Variants in MAP3K9 observed in about 807,000 individuals in gnomAD.
MAP3K9 encodes the protein mixed lineage kinase 1 (tyr and ser/thr specificity).
In MAP3K9, 46 loss-of-function variants were observed where a neutral mutation model predicts 95.8. The ratio of observed to expected loss-of-function variants is 0.48; its 90% CI spans 0.38 to 0.61. The LOEUF is 0.61. MAP3K9 is among the 20% of genes least tolerant of loss of function. MAP3K9 has a pLI of 0.00. For synonymous variants in MAP3K9, 533 were observed against 593.8 expected, an observed-to-expected ratio of 0.90 and a Z score of 1.49; for missense variants, 1,296 against 1,474.3, an observed-to-expected ratio of 0.88 and a Z score of 1.98.
chr14:70,780,244 G>T (rs2054656263), intron 2 of MAP3K9, among the ~76,000 whole-genome samples: 1 of 152,226 alleles, frequency 6.6e-6, no homozygotes, highest in African/African-American at 2.4e-5. Context: ...ACAGCATGAG[G>T]TGTGGATTTC....
intron 3 of MAP3K9, among the ~76,000 whole-genome samples, chr14:70,759,350 G>A (rs111807983): frequency 6.4e-4 from 98 of 152,280 alleles, no homozygotes; most frequent in African/African-American, 1.7e-3. Flanking sequence ...GCTGAGGCAG[G>A]AGAATCACTT....
intron 3 of MAP3K9, among the ~76,000 whole-genome samples, chr14:70,760,729 T>A (rs1054505584): frequency 6.6e-6 from 1 of 152,092 alleles, no homozygotes; most frequent in Non-Finnish European, 1.5e-5. Flanking sequence ...TGGGAGTACA[T>A]GTTGCCCCTG....
chr14:70,736,050 C>G (rs771626023), intron 8 of MAP3K9, 21 bp from the exon 9 acceptor site: 3 of 1,558,234 alleles, frequency 1.9e-6, no homozygotes, highest in Non-Finnish European at 2.7e-6. Context: ...TAAAGAGAAT[C>G]AGTAGCAGGC....
intron 2 of MAP3K9, among the ~76,000 whole-genome samples, chr14:70,785,812 C>T (rs938190776): frequency 1.3e-5 from 2 of 152,072 alleles, no homozygotes; most frequent in Non-Finnish European, 1.5e-5. Context: ...GGTGGGAAGG[C>T]GTGAGACTTC....
rs1335929999 is a variant in MAP3K9, at chr14:70,729,986, C to A, written c.*394G>T. 1 of 188,140 alleles carries A rather than the reference C, an allele frequency of 5.3e-6. No homozygotes were observed. Among genetic ancestry groups the A allele is most frequent in the East Asian group, 1.4e-4 (1 of 7,290 alleles). The allele number at this position is 188,140 out of a possible 1,614,324, so 11.7% of individuals were successfully genotyped here. On this transcript the variant is annotated 3_prime_UTR_variant, in exon 12 of 12. Transcript: ENST00000554752. ...CAACACTGGTGTTTGGGAAGCTGAA[C>A]TCGGGGCTGACAAAGGGACCCTATG...
chr14:70,765,107 T>G (rs949405606), intron 2 of MAP3K9, among the ~76,000 whole-genome samples: 17 of 152,122 alleles, frequency 1.1e-4, no homozygotes, highest in Admixed American at 7.9e-4. Context: ...GGCAGGAGGA[T>G]CACTTGAAGT....
chr14:70,730,906 AT>A, intron 11 of MAP3K9, 42 bp from the exon 12 acceptor site: 1 of 1,560,118 alleles, frequency 6.4e-7, no homozygotes, highest in Non-Finnish European at 8.6e-7. Context: ...ATGAGGCACC[AT>A]ATTTCGGGGT....
intron 2 of MAP3K9, among the ~76,000 whole-genome samples, chr14:70,796,836 T>G (rs2054870038): frequency 6.6e-6 from 1 of 152,182 alleles, no homozygotes; most frequent in Non-Finnish European, 1.5e-5. Context: ...AATAGGAGCC[T>G]GGGTCCCAGA....
At chr14:70,735,642 A>G (rs534939208) in intron 9 of MAP3K9, among the ~76,000 whole-genome samples, 5 of 152,240 alleles carry the variant, frequency 3.3e-5, no homozygotes, top group Admixed American at 3.3e-4. Context: ...ATCCAGGAAA[A>G]TCCAGATTAG....
At chr14:70,778,423 G>A (rs1158744734) in intron 2 of MAP3K9, among the ~76,000 whole-genome samples, 1 of 151,978 alleles carries the variant, frequency 6.6e-6, no homozygotes, top group African/African-American at 2.4e-5. Flanking sequence ...TTACAGGTAT[G>A]TGCCACCACA....
At chr14:70,783,490 T>C (rs1287386729) in intron 2 of MAP3K9, 7 of 808,030 alleles carry the variant, frequency 8.7e-6, no homozygotes, top group Non-Finnish European at 1.0e-5. Context: ...TTTCCTCCCA[T>C]CACAAAGCTC....
chr14:70,771,535 A>G (rs557082501), intron 2 of MAP3K9, among the ~76,000 whole-genome samples: 2 of 152,240 alleles, frequency 1.3e-5, no homozygotes, highest in African/African-American at 4.8e-5. Context: ...ACACCAAGGC[A>G]GAAAGAAAAA....
intron 7 of MAP3K9, chr14:70,739,799 T>C: frequency 7.8e-7 from 1 of 1,280,796 alleles, no homozygotes; most frequent in South Asian, 1.5e-5. Flanking sequence ...ATCCCATTAG[T>C]ACCCACAAAT....
At chr14:70,793,416 G>C (rs2054828163) in intron 2 of MAP3K9, among the ~76,000 whole-genome samples, 1 of 152,192 alleles carries the variant, frequency 6.6e-6, no homozygotes. Context: ...GCCGGGCCTG[G>C]TGGCTCACGC....
intron 2 of MAP3K9, among the ~76,000 whole-genome samples, chr14:70,784,560 T>C (rs1196507738): frequency 6.6e-6 from 1 of 152,108 alleles, no homozygotes; most frequent in Non-Finnish European, 1.5e-5. Context: ...CTGGCCAATA[T>C]GTTGAAACCC....
chr14:70,767,879 T>C (rs1548585), intron 2 of MAP3K9, among the ~76,000 whole-genome samples: 83,980 of 151,978 alleles, frequency 0.55, 23,304 homozygotes, highest in Middle Eastern at 0.66. Flanking sequence ...TATTGACCGG[T>C]TGGTCTTGAA....
At chr14:70,752,397 T>C (rs561096214) in intron 3 of MAP3K9, among the ~76,000 whole-genome samples, 2 of 152,324 alleles carry the variant, frequency 1.3e-5, no homozygotes, top group South Asian at 4.1e-4. Context: ...TCTGTGGGTA[T>C]GGGAGTGAGC....
intron 2 of MAP3K9, among the ~76,000 whole-genome samples, chr14:70,777,850 C>A (rs1482761491): frequency 1.3e-5 from 2 of 152,206 alleles, no homozygotes; most frequent in African/African-American, 4.8e-5. Context: ...GAATTATAAT[C>A]AGGACAGAAT....
intron 2 of MAP3K9, among the ~76,000 whole-genome samples, chr14:70,797,967 T>C (rs2054883508): frequency 6.6e-6 from 1 of 152,234 alleles, no homozygotes; most frequent in South Asian, 2.1e-4. Context: ...GCAGCAACTG[T>C]ATTGAGAATG....
Sources: gnomAD v4.1 joint callset for allele counts (sites outside exome capture counted in the v4.1 genomes callset) on GRCh38, gnomAD v4.1.1 for gene constraint, MANE v1.5 for transcripts, NCBI Gene and HGNC (gene_info 2026-07-23, HGNC 2026-07-21) for gene names.